The following BRIP1 variants were observed in gnomAD, a reference collection of about 807,000 sequenced individuals.
BRIP1 encodes Fanconi anemia group J protein.
BRIP1 carries 88 observed loss-of-function variants against 119.7 expected under a neutral mutation model. That is an observed-to-expected ratio of 0.74 (90% CI 0.62 to 0.88). The LOEUF (loss-of-function observed/expected upper bound fraction) is 0.88, where lower values mean the gene tolerates loss of function less well. Ranked by LOEUF, BRIP1 falls within the 40% of genes least tolerant of loss-of-function variation. The probability of loss-of-function intolerance (pLI) is 0.00; values close to 1 mark genes in which losing one functional copy is unlikely to be tolerated. For missense variants in BRIP1, 1,259 were observed against 1,455.4 expected (o/e 0.87, Z 2.20); for synonymous variants, 443 against 496.5 (o/e 0.89, Z 1.43).
Position 61,705,635 on chromosome 17 carries a change from A to G in BRIP1, c.2492+10316T>C, listed in dbSNP as rs758917525. On this transcript the variant is annotated intron_variant, in intron 17 of 19. Transcript: ENST00000259008. The surrounding 1 kb of genome is among the most constrained non-coding windows in gnomAD (Gnocchi z 5.0). Reference sequence around the variant, plus strand: ...TCTTCTTTTTCTAGCTTCATAAGGTAGAAACTAAGATCAATGATTTGAGGA... The same window carrying G: ...TCTTCTTTTTCTAGCTTCATAAGGTGGAAACTAAGATCAATGATTTGAGGA... Among the ~76,000 whole-genome samples the G allele has an allele frequency of 2.0e-5, 3 of 152,156 alleles. No individual in the cohort carries two copies. The highest frequency in any genetic ancestry group is 4.4e-5 in the Non-Finnish European group (3 of 68,018).
Position 61,691,623 on chromosome 17 carries a change from T to G in BRIP1, c.2575+1807A>C, listed in dbSNP as rs1350592193. 6.6e-6 allele frequency among the ~76,000 whole-genome samples: 1 copy of G among 152,120 alleles called. No individual in the cohort carries two copies. The highest frequency in any genetic ancestry group is 1.5e-5 in the Non-Finnish European group (1 of 68,010). On this transcript the variant is annotated intron_variant, in intron 18 of 19. Transcript: ENST00000259008. This position sits in a 1 kb window ranked among gnomAD's most constrained non-coding sequence, Gnocchi z 5.0. ...GGCACCCGCCACCGCACCCGGCTAA[T>G]TTTTGTATTTTTAATAGAGATGGGG...
Position 61,814,863 on chromosome 17 carries a change from A to C in BRIP1, c.628-6106T>G, listed in dbSNP as rs1405457380. On this transcript the variant is annotated intron_variant, in intron 6 of 19. Coordinates refer to ENST00000259008, the MANE Select transcript of BRIP1 (RefSeq NM_032043.3). The surrounding 1 kb of genome is among the most constrained non-coding windows in gnomAD (Gnocchi z 4.9). ...ATTGTGGGCTCTTTCCAATCAATGG[A>C]ATAATATTATAATGAAAATATATGA... Among the ~76,000 whole-genome samples, 1 of 152,082 alleles carries C rather than the reference A, an allele frequency of 6.6e-6. No homozygotes were observed. The highest frequency in any genetic ancestry group is 1.9e-4 in the East Asian group (1 of 5,198).
Position 61,679,670 on chromosome 17 carries a change from T to C in BRIP1, c.*3626A>G, listed in dbSNP as rs1212682400. On this transcript the variant is annotated 3_prime_UTR_variant, in exon 20 of 20. Transcript: ENST00000259008. This position sits in a 1 kb window ranked among gnomAD's most constrained non-coding sequence, Gnocchi z 4.4. ...ATATCTATAGTTAGGGAAGCTTTCA[T>C]ATAGAGCAAGGGTGCACTCCAGATA... is the stretch of plus-strand genomic sequence containing the variant. Among the ~76,000 whole-genome samples, 1 of 152,232 alleles carries C rather than the reference T, an allele frequency of 6.6e-6. No individual in the cohort carries two copies. Among genetic ancestry groups the C allele is most frequent in the Admixed American group, 6.5e-5 (1 of 15,282 alleles).
At chr17:61,728,472 A>G (rs2144543778) in intron 16 of BRIP1, among the ~76,000 whole-genome samples, 1 of 152,322 alleles carries the variant, frequency 6.6e-6, no homozygotes, top group Admixed American at 6.5e-5. Flanking sequence ...CATAAAAGGT[A>G]GATGGACAAA....
In BRIP1 at chr17:61,683,431, T is replaced by A. The variant is rs768156067; in HGVS notation, c.3615A>T (p.Lys1205Asn). The A allele has an allele frequency of 6.2e-7, 1 of 1,613,742 alleles. No individual in the cohort carries two copies. Among genetic ancestry groups the A allele is most frequent in the South Asian group, 1.1e-5 (1 of 91,022 alleles). The change falls in exon 20 of 20, where the codon AAA (lysine) becomes AAT (asparagine). Residue 1205 changes from lysine (K) to asparagine (N), a missense_variant. Physicochemically the swap from Lys to Asn is moderately conservative, Grantham distance 94. This residue lies in a region of BRIP1 where 753 missense variants were observed against 891.8 expected (regional missense o/e 0.84). Transcript: ENST00000259008. The surrounding 1 kb of genome is among the most constrained non-coding windows in gnomAD (Gnocchi z 4.7). The part of the protein sequence containing the change: ...LNGILHIEES[K>N]IDDIDGNVKT... ...TTACATTACCATCAATGTCATCAAT[T>A]TTACTTTCTTCAATATGCAGAATTC...
chr17:61,718,476 G>A (rs1229935269), intron 16 of BRIP1, among the ~76,000 whole-genome samples: 1 of 152,086 alleles, frequency 6.6e-6, no homozygotes, highest in Non-Finnish European at 1.5e-5. Context: ...TCATTTCCCT[G>A]GCCTTATGTA....
At chr17:61,836,111 T>C (rs2078569749) in intron 6 of BRIP1, among the ~76,000 whole-genome samples, 1 of 10,968 alleles carries the variant, frequency 9.1e-5, no homozygotes, top group Non-Finnish European at 2.4e-4. Context: ...TATTACTCTT[T>C]TTTTTTTTTT....
rs2061441065 is a variant in BRIP1 at position 61,691,113 on chromosome 17, C to A, written c.2575+2317G>T. On this transcript the variant is annotated intron_variant, in intron 18 of 19. Coordinates refer to ENST00000259008, the MANE Select transcript of BRIP1 (RefSeq NM_032043.3). The surrounding 1 kb of genome is among the most constrained non-coding windows in gnomAD (Gnocchi z 5.0). ...GTGGGGGGAGAGGGGGGAGGGATAG[C>A]ATTAGGAGATATACCTAATGTAAAC... Among the ~76,000 whole-genome samples the A allele has an allele frequency of 1.3e-5, 2 of 151,846 alleles. No individual in the cohort carries two copies. Among genetic ancestry groups the A allele is most frequent in the African/African-American group, 2.4e-5 (1 of 41,336 alleles).
At position 61,801,361 on chromosome 17, in the gene BRIP1, C is replaced by T. The variant is rs1468683560; in HGVS notation, c.1032G>A (p.Gly344=). The T allele has an allele frequency of 1.2e-6, 2 of 1,613,918 alleles. No individual in the cohort carries two copies. The highest frequency in any genetic ancestry group is 1.7e-6 in the Non-Finnish European group (2 of 1,179,898). The change falls in exon 8 of 20, where the codon GGG becomes GGA. Residue 344 remains glycine, a synonymous_variant. Transcript: ENST00000259008. ...AWDIEELVSL[G]KKLKACPYYT... ...AATATGGACAGGCCTTTAGTTTCTT[C>T]CCCAGGCTGACAAGTTCTTCTATAT...
rs1400015113 is a variant in BRIP1, at chr17:61,680,125, T to C, written c.*3171A>G. 6.6e-6 allele frequency among the ~76,000 whole-genome samples: 1 copy of C among 150,974 alleles called. No homozygotes were observed. Among genetic ancestry groups the C allele is most frequent in the Non-Finnish European group, 1.5e-5 (1 of 67,784 alleles). On this transcript the variant is annotated 3_prime_UTR_variant, in exon 20 of 20. Transcript: ENST00000259008. ...TGGGAGGCCGAGGTGGGCAGATCAC[T>C]TGAGGTCAGGAGTTTGAGACCAGCC...
intron 3 of BRIP1, among the ~76,000 whole-genome samples, chr17:61,859,555 C>T (rs564746941): frequency 6.6e-6 from 1 of 152,214 alleles, no homozygotes; most frequent in African/African-American, 2.4e-5. Context: ...GCTGCCAAGT[C>T]TTTATGTACT....
At chr17:61,791,614 T>C (rs931819389) in intron 10 of BRIP1, among the ~76,000 whole-genome samples, 2 of 150,448 alleles carry the variant, frequency 1.3e-5, no homozygotes, top group Non-Finnish European at 2.9e-5. Context: ...AGCAGAGAAG[T>C]TCCAGGACCC....
intron 6 of BRIP1, among the ~76,000 whole-genome samples, chr17:61,813,225 A>C (rs553417883): frequency 2.4e-4 from 37 of 152,080 alleles, no homozygotes; most frequent in African/African-American, 8.9e-4. Context: ...TGTTTGAGTG[A>C]AATAAAAGGA....
intron 4 of BRIP1, among the ~76,000 whole-genome samples, chr17:61,855,251 T>G (rs147732419): frequency 0.026 from 3,888 of 152,218 alleles, 74 homozygotes; most frequent in Middle Eastern, 0.12. Context: ...TGGTGAAAGT[T>G]TCATGGAGGT....
chr17:61,822,635 G>A lies in BRIP1; in HGVS notation c.628-13878C>T, dbSNP rs1603352059. 6.6e-6 allele frequency among the ~76,000 whole-genome samples: 1 copy of A among 152,184 alleles called. No individual in the cohort carries two copies. Among genetic ancestry groups the A allele is most frequent in the African/African-American group, 2.4e-5 (1 of 41,430 alleles). On this transcript the variant is annotated intron_variant, in intron 6 of 19. Coordinates refer to ENST00000259008, the MANE Select transcript of BRIP1 (RefSeq NM_032043.3). The surrounding 1 kb of genome is among the most constrained non-coding windows in gnomAD (Gnocchi z 4.4). ...GAAAGAGCTGAGACAAGGTTTCCTT[G>A]TGGAAGGACAGGAGAAAACATAACA... is the stretch of plus-strand genomic sequence containing the variant.
chr17:61,780,197 G>C lies in BRIP1; in HGVS notation c.1935+64C>G. The C allele has an allele frequency of 3.3e-6, 5 of 1,510,284 alleles. No individual in the cohort carries two copies. The highest frequency in any genetic ancestry group is 4.6e-6 in the Non-Finnish European group (5 of 1,096,412). The allele number at this position is 1,510,284 out of a possible 1,614,324, so 93.6% of individuals were successfully genotyped here. On this transcript the variant is annotated intron_variant, in intron 13 of 19. Coordinates refer to ENST00000259008, the MANE Select transcript of BRIP1 (RefSeq NM_032043.3). The surrounding 1 kb of genome is among the most constrained non-coding windows in gnomAD (Gnocchi z 5.4). ...TGGCACTTCAGGTATCTTCTAACTT[G>C]TTTACATAGTTATATTGAAGTAGAA...
At position 61,763,636 on chromosome 17, in the gene BRIP1, T is replaced by C. The variant is rs193166961; in HGVS notation, c.2097+12765A>G. On this transcript the variant is annotated intron_variant, in intron 14 of 19. Transcript: ENST00000259008. Reference sequence around the variant, plus strand: ...CTAACCATTCATTCACCATGTCCTGTAGAGACTGATGTATCTTTTGAAAGA... The same window carrying C: ...CTAACCATTCATTCACCATGTCCTGCAGAGACTGATGTATCTTTTGAAAGA... Among the ~76,000 whole-genome samples the C allele has an allele frequency of 7.2e-4, 109 of 152,266 alleles. 1 individual carries two copies. The highest frequency in any genetic ancestry group is 2.5e-3 in the African/African-American group (105 of 41,572).
At chr17:61,790,374 G>A (rs776930702) in intron 10 of BRIP1, among the ~76,000 whole-genome samples, 4 of 151,854 alleles carry the variant, frequency 2.6e-5, no homozygotes, top group Non-Finnish European at 5.9e-5. Flanking sequence ...GAGAAACTCC[G>A]TCTCTACTAA....
In BRIP1 at chr17:61,859,022, C is replaced by G. The variant is rs770752649; in HGVS notation, c.205+774G>C. Among the ~76,000 whole-genome samples, 76 of 142,022 alleles carry G rather than the reference C, an allele frequency of 5.4e-4. No homozygotes were observed. In the Middle Eastern group the frequency reaches 0.032, roughly 60 times the overall value. The allele number at this position is 142,022 out of a possible 152,430, so 93.2% of individuals were successfully genotyped here. ...GTTACAGTGAGCTATGATCACATCA[C>G]TATGCTCCATCCCAGGTGACGCCAC... On this transcript the variant is annotated intron_variant, in intron 3 of 19. Transcript: ENST00000259008.
Sources: allele counts gnomAD v4.1 joint callset (sites outside exome capture counted in the v4.1 genomes callset), GRCh38; gene constraint gnomAD v4.1.1; regional missense constraint gnomAD v4.1.1; non-coding constraint Gnocchi (gnomAD v3.1); transcripts MANE v1.5; gene names NCBI Gene and HGNC (gene_info 2026-07-23, HGNC 2026-07-21).